PABPC4L: variants seen among roughly 807,000 people sequenced by gnomAD.
PABPC4L encodes the protein polyadenylate-binding protein 4-like.
For synonymous variants in PABPC4L, 169 were observed against 164.1 expected (o/e 1.03, Z -0.23); for missense variants, 452 against 451.4 (o/e 1.00, Z -0.01).
rs1430775638 is a variant in PABPC4L at position 134,200,304 on chromosome 4, C to T, written c.716G>A (p.Ser239Asn). ...SKGFGFVSFD[S>N]HEAAKKAVEE... ...AACAGCTTTCTTGGCAGCCTCATGG[C>T]TATCAAAACTCACAAAGCCAAAGCC... Residue 239 changes from serine to asparagine, a missense_variant, in exon 2 of 2, where the codon AGC (serine) becomes AAC (asparagine). Transcript: ENST00000421491. The T allele has an allele frequency of 6.3e-7, 1 of 1,587,092 alleles. No homozygotes were observed.
the PABPC4L span, among the ~76,000 whole-genome samples, chr4:133,993,618 A>G: frequency 6.6e-6 from 1 of 152,144 alleles, no homozygotes; most frequent in Admixed American, 6.6e-5. Flanking sequence ...GAAGGAGGGG[A>G]CATACCTATG....
the PABPC4L span, among the ~76,000 whole-genome samples, chr4:133,977,496 G>T: frequency 4.9e-3 from 739 of 152,152 alleles, 8 homozygotes; most frequent in African/African-American, 0.014. Context: ...TCTACAAATT[G>T]TTTTGGGCAG....
At chr4:134,015,509 A>G in the PABPC4L span, among the ~76,000 whole-genome samples, 10 of 152,206 alleles carry the variant, frequency 6.6e-5, no homozygotes, top group Admixed American at 5.9e-4. Flanking sequence ...GGCTCAGCAA[A>G]TTACCTGGGC....
At chr4:134,164,503 AACAAGAATGCAATCCCTTTT>A in the PABPC4L span, among the ~76,000 whole-genome samples, 2 of 152,084 alleles carry the variant, frequency 1.3e-5, no homozygotes, top group African/African-American at 4.8e-5. Context: ...CTGAGAATCA[AACAAGAATGCAATCCCTTTT>A]ACAATAGCTG....
At chr4:134,093,334 C>T in the PABPC4L span, among the ~76,000 whole-genome samples, 1 of 151,628 alleles carries the variant, frequency 6.6e-6, no homozygotes, top group Non-Finnish European at 1.5e-5. Context: ...TAGAGCAATA[C>T]ATTATCCTCT....
chr4:134,027,495 C>T, the PABPC4L span, among the ~76,000 whole-genome samples: 1 of 152,096 alleles, frequency 6.6e-6, no homozygotes, highest in South Asian at 2.1e-4. Context: ...GGACATTAGG[C>T]TAATTTCATA....
chr4:134,088,394 A>C, the PABPC4L span, among the ~76,000 whole-genome samples: 1 of 152,108 alleles, frequency 6.6e-6, no homozygotes, highest in Non-Finnish European at 1.5e-5. Flanking sequence ...CTTTCTAGTC[A>C]AGTTTGTAAT....
the PABPC4L span, among the ~76,000 whole-genome samples, chr4:134,183,911 T>C: frequency 6.6e-6 from 1 of 151,552 alleles, no homozygotes; most frequent in Admixed American, 6.6e-5. Context: ...CCTAAAAGAT[T>C]GTGTGTGTGC....
At chr4:134,131,092 A>C in the PABPC4L span, among the ~76,000 whole-genome samples, 1 of 152,140 alleles carries the variant, frequency 6.6e-6, no homozygotes, top group Admixed American at 6.6e-5. Context: ...ATTATGTAGA[A>C]TAGGGAAAAG....
chr4:134,181,301 C>T, the PABPC4L span, among the ~76,000 whole-genome samples: 2 of 151,912 alleles, frequency 1.3e-5, no homozygotes, highest in African/African-American at 2.4e-5. Flanking sequence ...GTAGAAAAGG[C>T]TTTCAATAAA....
the PABPC4L span, among the ~76,000 whole-genome samples, chr4:133,957,287 CA>C: frequency 6.6e-6 from 1 of 152,118 alleles, no homozygotes; most frequent in African/African-American, 2.4e-5. Context: ...CTACAGGCAC[CA>C]TGCTAGTCCG....
At chr4:134,006,622 G>C in the PABPC4L span, among the ~76,000 whole-genome samples, 1 of 151,852 alleles carries the variant, frequency 6.6e-6, no homozygotes, top group African/African-American at 2.4e-5. Context: ...TAGGCTTAGT[G>C]GGGTAGTATT....
At chr4:133,969,129 C>T in the PABPC4L span, among the ~76,000 whole-genome samples, 119 of 152,224 alleles carry the variant, frequency 7.8e-4, 1 homozygote, top group East Asian at 0.011. Flanking sequence ...GATGTTTTCT[C>T]ACTTCTCTGT....
chr4:134,022,024 A>G, the PABPC4L span, among the ~76,000 whole-genome samples: 1 of 152,112 alleles, frequency 6.6e-6, no homozygotes, highest in African/African-American at 2.4e-5. Flanking sequence ...TTTTAATGCT[A>G]CACAGGAGCA....
the PABPC4L span, among the ~76,000 whole-genome samples, chr4:134,146,351 G>GAT: frequency 6.6e-6 from 1 of 151,398 alleles, no homozygotes; most frequent in East Asian, 1.9e-4. Context: ...GATTTTTAAT[G>GAT]TTTTTTTCTA....
Position 134,200,270 on chromosome 4 carries a change from C to G in PABPC4L, c.750G>C (p.Met250Ile), listed in dbSNP as rs550322507. The G allele has an allele frequency of 1.2e-5, 18 of 1,561,710 alleles. No individual in the cohort carries two copies. In the Admixed American group the frequency reaches 2.9e-4, roughly 25 times the overall value. The change falls in exon 2 of 2, where the codon ATG (methionine) becomes ATC (isoleucine). Residue 250 changes from methionine (M) to isoleucine (I), a missense_variant. Met to Ile is a conservative substitution (Grantham distance 10, BLOSUM62 1). Coordinates refer to ENST00000421491, the MANE Select transcript of PABPC4L (RefSeq NM_001114734.2). ...GCTGCCCATTTATGTCCCTTCCATT[C>G]ATTTCTTCAACAGCTTTCTTGGCAG... is the stretch of plus-strand genomic sequence containing the variant. ...HEAAKKAVEE[M>I]NGRDINGQLI... is the part of the protein sequence containing the mutation.
In PABPC4L at chr4:134,199,635, CTATT is replaced by C; in HGVS notation, c.*268_*271del. ...ATTTGGTTCAAATGTAAAAATATATCTATTTATACTTATTGCTATGAACATATCA... is the reference window on the plus strand; with the variant it reads ...ATTTGGTTCAAATGTAAAAATATATCTATACTTATTGCTATGAACATATCA... On this transcript the variant is annotated 3_prime_UTR_variant, in exon 2 of 2. Coordinates refer to ENST00000421491, the MANE Select transcript of PABPC4L (RefSeq NM_001114734.2). 1 of 323,702 alleles carries C rather than the reference CTATT, an allele frequency of 3.1e-6. No homozygotes were observed. The highest frequency in any genetic ancestry group is 6.2e-5 in the South Asian group (1 of 16,224). The allele number at this position is 323,702 out of a possible 1,614,324, so 20.1% of individuals were successfully genotyped here. A position where few individuals can be genotyped will look rare whatever the true frequency, so the allele number is the denominator to read the frequency against.
chr4:133,954,325 C>T, the PABPC4L span, among the ~76,000 whole-genome samples: 3 of 152,198 alleles, frequency 2.0e-5, no homozygotes, highest in Non-Finnish European at 2.9e-5. Flanking sequence ...AACATGGGGA[C>T]GAATTACCTG....
chr4:134,110,745 CTA>C, the PABPC4L span, among the ~76,000 whole-genome samples: 683 of 151,940 alleles, frequency 4.5e-3, 9 homozygotes, highest in African/African-American at 0.016. Context: ...TAAATCATCT[CTA>C]GATTACTTAT....
Sources: gnomAD v4.1 joint callset for allele counts (sites outside exome capture counted in the v4.1 genomes callset) on GRCh38, gnomAD v4.1.1 for gene constraint, MANE v1.5 for transcripts, NCBI Gene and HGNC (gene_info 2026-07-23, HGNC 2026-07-21) for gene names.